The following DLGAP2 variants were observed in gnomAD, a reference collection of about 807,000 sequenced individuals.
DLGAP2 encodes the protein disks large-associated protein 2.
A neutral mutation model predicts 100.3 loss-of-function variants in DLGAP2; 26 were observed. That is an observed-to-expected ratio of 0.26 (90% CI 0.19 to 0.36). The LOEUF (loss-of-function observed/expected upper bound fraction) is 0.36. Among genes scored for constraint, DLGAP2 ranks in the 10% least tolerant of loss-of-function variants. The pLI is 1.00. For synonymous variants in DLGAP2, 886 were observed against 630.1 expected, an observed-to-expected ratio of 1.41 and a Z score of -6.08; for missense variants, 1,858 against 1,453.2, an observed-to-expected ratio of 1.28 and a Z score of -4.53.
chr8:779,298 C>T (rs963482000), intron 1 of DLGAP2, among the ~76,000 whole-genome samples: 1 of 152,212 alleles, frequency 6.6e-6, no homozygotes, highest in Non-Finnish European at 1.5e-5. Context: ...AATCACCCGT[C>T]TTCTGCCTTG....
intron 2 of DLGAP2, among the ~76,000 whole-genome samples, chr8:1,151,501 T>C (rs1796696387): frequency 6.6e-6 from 1 of 152,166 alleles, no homozygotes; most frequent in Non-Finnish European, 1.5e-5. Context: ...AGGAGGGTTA[T>C]CTTAGTAAGG....
chr8:1,683,831 C>A, intron 12 of DLGAP2, among the ~76,000 whole-genome samples: 1 of 71,220 alleles, frequency 1.4e-5, no homozygotes, highest in African/African-American at 6.6e-5. Flanking sequence ...TGTCTTTGCT[C>A]CACTATATAT....
intron 11 of DLGAP2, among the ~76,000 whole-genome samples, 170 bp from the exon 12 acceptor site, chr8:1,678,044 T>G (rs976842843): frequency 3.3e-5 from 5 of 152,216 alleles, no homozygotes; most frequent in African/African-American, 1.2e-4. Context: ...CAAAACCAAA[T>G]GTTCTTCCAC....
intron 2 of DLGAP2, among the ~76,000 whole-genome samples, chr8:1,033,628 C>T (rs1802034999): frequency 6.6e-6 from 1 of 152,186 alleles, no homozygotes. Flanking sequence ...AGGTTACACT[C>T]TGCACTCCAG....
In DLGAP2 at chr8:1,678,489, C is replaced by T. The variant is rs749807967; in HGVS notation, c.2564C>T (p.Thr855Met). 1.1e-5 allele frequency: 17 copies of T among 1,612,896 alleles called. No homozygotes were observed. Among genetic ancestry groups the T allele is most frequent in the Middle Eastern group, 1.6e-4 (1 of 6,082 alleles). The change falls in exon 12 of 15, where the codon ACG becomes ATG. Residue 855 changes from threonine (T) to methionine (M), a missense_variant. Coordinates refer to ENST00000637795, the MANE Select transcript of DLGAP2 (RefSeq NM_001346810.2). ...CCCTGGCTGGAGCCCGCCATCGACA[C>T]GGTAGAGACTGGGAGGATGTCTCCG... ...PDPWLEPAID[T>M]VETGRMSPCR...
intron 3 of DLGAP2, among the ~76,000 whole-genome samples, chr8:1,489,185 A>G (rs146938237): frequency 3.0e-4 from 45 of 152,270 alleles, no homozygotes; most frequent in African/African-American, 1.1e-3. Context: ...TCCATGCTGA[A>G]GTTTGAGCTG....
chr8:818,784 C>G (rs993331637), intron 1 of DLGAP2, among the ~76,000 whole-genome samples: 42 of 152,008 alleles, frequency 2.8e-4, no homozygotes, highest in South Asian at 6.2e-4. Flanking sequence ...GTTATAGAAT[C>G]ATAAAGTTAG....
At position 1,679,719 on chromosome 8, in the gene DLGAP2, C is replaced by A. The variant is rs78518909; in HGVS notation, c.2704+1090C>A. 7.7e-3 allele frequency among the ~76,000 whole-genome samples: 1,172 copies of A among 152,270 alleles called. 16 individuals carry two copies. Among genetic ancestry groups the A allele is most frequent in the African/African-American group, 0.026 (1,078 of 41,550 alleles). ...CGTTCAGGCCAGGCACGGTGGCTCA[C>A]GCCTGTAATTCCAGCACTTTAGGAG... On this transcript the variant is annotated intron_variant, in intron 12 of 14. Coordinates refer to ENST00000637795, the MANE Select transcript of DLGAP2 (RefSeq NM_001346810.2).
intron 2 of DLGAP2, among the ~76,000 whole-genome samples, chr8:1,092,882 G>A (rs1483469095): frequency 6.6e-6 from 1 of 152,200 alleles, no homozygotes; most frequent in African/African-American, 2.4e-5. Context: ...GCCCAGATCA[G>A]CCACTTACAC....
intron 3 of DLGAP2, among the ~76,000 whole-genome samples, chr8:1,469,091 TCA>T (rs1798709876): frequency 6.6e-6 from 1 of 151,842 alleles, no homozygotes; most frequent in South Asian, 2.1e-4. Flanking sequence ...GTCCTGTCAT[TCA>T]TTCTATGAAA....
At chr8:867,253 G>A (rs1394007556) in intron 1 of DLGAP2, among the ~76,000 whole-genome samples, 1 of 152,222 alleles carries the variant, frequency 6.6e-6, no homozygotes. Flanking sequence ...GATGCAACCA[G>A]CTCTTTGCTT....
At chr8:1,179,185 A>C (rs1019013504) in intron 2 of DLGAP2, among the ~76,000 whole-genome samples, 1 of 152,288 alleles carries the variant, frequency 6.6e-6, no homozygotes, top group Admixed American at 6.5e-5. Context: ...CAAAGAAAGT[A>C]AATGGCAAAG....
chr8:1,598,223 C>T (rs1397200388), intron 6 of DLGAP2, among the ~76,000 whole-genome samples: 1 of 152,136 alleles, frequency 6.6e-6, no homozygotes, highest in Non-Finnish European at 1.5e-5. Context: ...CCGACTTGAT[C>T]GTGGTGGATA....
chr8:763,610 T>C (rs371966729), intron 1 of DLGAP2, among the ~76,000 whole-genome samples: 25 of 152,208 alleles, frequency 1.6e-4, no homozygotes, highest in African/African-American at 5.8e-4. Flanking sequence ...TGGCAGACGT[T>C]AGGCAGGTGA....
At chr8:1,490,757 G>A (rs546453244) in intron 3 of DLGAP2, among the ~76,000 whole-genome samples, 2 of 152,250 alleles carry the variant, frequency 1.3e-5, no homozygotes, top group East Asian at 1.9e-4. Flanking sequence ...CTCTGGGCTG[G>A]GGCATGAGGC....
At chr8:1,520,533 C>T (rs1800557796) in intron 4 of DLGAP2, among the ~76,000 whole-genome samples, 1 of 152,154 alleles carries the variant, frequency 6.6e-6, no homozygotes, top group South Asian at 2.1e-4. Flanking sequence ...TCCCCACTGC[C>T]ACCTCACACA....
chr8:1,025,155 C>T (rs557909516), intron 2 of DLGAP2, among the ~76,000 whole-genome samples: 14 of 151,898 alleles, frequency 9.2e-5, no homozygotes, highest in South Asian at 2.1e-4. Context: ...TGTGTGTGTG[C>T]GCACGTGTGT....
At chr8:1,259,718 C>T (rs538179636) in intron 3 of DLGAP2, 8 of 152,194 alleles carry the variant, frequency 5.3e-5, no homozygotes, top group African/African-American at 1.9e-4. Context: ...AAGCCGAATA[C>T]TAAAGGCTTC....
chr8:1,266,438 A>C (rs1799452673), intron 3 of DLGAP2, among the ~76,000 whole-genome samples: 1 of 152,218 alleles, frequency 6.6e-6, no homozygotes, highest in Non-Finnish European at 1.5e-5. Context: ...AGAAGCTCCA[A>C]GAATCCCTCT....
Sources: gnomAD v4.1 joint callset for allele counts (sites outside exome capture counted in the v4.1 genomes callset) on GRCh38, gnomAD v4.1.1 for gene constraint, MANE v1.5 for transcripts, NCBI Gene and HGNC (gene_info 2026-07-23, HGNC 2026-07-21) for gene names.